Variants in TMEM178B observed in about 807,000 individuals in gnomAD.
The protein encoded by TMEM178B is transmembrane protein 178B.
TMEM178B carries 5 observed loss-of-function variants against 31.0 expected under a neutral mutation model. The ratio of observed to expected loss-of-function variants is 0.16; its 90% confidence interval spans 0.08 to 0.34. The LOEUF is 0.34. Ranked by LOEUF, TMEM178B falls within the 10% of genes least tolerant of loss-of-function variation. TMEM178B has a pLI of 1.00. For synonymous variants in TMEM178B, 164 were observed against 164.0 expected (o/e 1.00, Z 0.00); for missense variants, 275 against 400.3 (o/e 0.69, Z 2.67).
chr7:141,204,764 T>A (rs764170719), intron 1 of TMEM178B, among the ~76,000 whole-genome samples: 1 of 152,182 alleles, frequency 6.6e-6, no homozygotes, highest in Non-Finnish European at 1.5e-5. Flanking sequence ...CTCATCCAAA[T>A]ATAACTCAGG....
At chr7:141,365,676 T>G (rs555605281) in intron 2 of TMEM178B, among the ~76,000 whole-genome samples, 25 of 152,362 alleles carry the variant, frequency 1.6e-4, no homozygotes, top group African/African-American at 5.5e-4. Context: ...GGCTGTCTGC[T>G]CACTGTGTGC....
At chr7:141,212,336 T>C (rs781209112) in intron 1 of TMEM178B, among the ~76,000 whole-genome samples, 3 of 152,242 alleles carry the variant, frequency 2.0e-5, no homozygotes, top group Admixed American at 2.0e-4. Context: ...TTAGACAAGC[T>C]GCTATCAGCC....
intron 2 of TMEM178B, among the ~76,000 whole-genome samples, chr7:141,297,437 A>G (rs962601092): frequency 4.6e-5 from 7 of 152,054 alleles, no homozygotes; most frequent in Non-Finnish European, 1.0e-4. Context: ...TACATGTGCA[A>G]TGTTGGTGTG....
intron 1 of TMEM178B, among the ~76,000 whole-genome samples, chr7:141,120,669 T>C (rs1795393477): frequency 1.3e-5 from 2 of 152,124 alleles, no homozygotes; most frequent in Non-Finnish European, 2.9e-5. Context: ...AAAAATAATA[T>C]ACTTTGCTGG....
At chr7:141,090,816 G>T (rs1794868942) in intron 1 of TMEM178B, among the ~76,000 whole-genome samples, 1 of 152,150 alleles carries the variant, frequency 6.6e-6, no homozygotes, top group Non-Finnish European at 1.5e-5. Flanking sequence ...TTAACAATAT[G>T]TGAGAGAGTT....
downstream of TMEM178B, among the ~76,000 whole-genome samples, chr7:141,483,394 G>A (rs1802509590): frequency 6.6e-6 from 1 of 152,148 alleles, no homozygotes; most frequent in Non-Finnish European, 1.5e-5. Context: ...ATGTCTAGCG[G>A]TCTCCTTTCT....
intron 2 of TMEM178B, among the ~76,000 whole-genome samples, chr7:141,216,935 T>C (rs779310135): frequency 7.9e-5 from 12 of 152,026 alleles, no homozygotes; most frequent in Non-Finnish European, 1.5e-4. Flanking sequence ...TCTGGCTGCC[T>C]CCAGGACACA....
chr7:141,413,677 C>A (rs959879214), intron 2 of TMEM178B, among the ~76,000 whole-genome samples: 1 of 152,170 alleles, frequency 6.6e-6, no homozygotes, highest in Admixed American at 6.5e-5. Flanking sequence ...CCAAATGCCT[C>A]CATGGAAGGA....
intron 2 of TMEM178B, among the ~76,000 whole-genome samples, chr7:141,219,755 T>G (rs993540874): frequency 4.6e-5 from 7 of 152,138 alleles, no homozygotes; most frequent in Non-Finnish European, 8.8e-5. Context: ...TAATGTGATA[T>G]TGCACCAAGA....
At chr7:141,202,504 A>G (rs1796894186) in intron 1 of TMEM178B, among the ~76,000 whole-genome samples, 1 of 152,250 alleles carries the variant, frequency 6.6e-6, no homozygotes, top group Non-Finnish European at 1.5e-5. Context: ...AGTCTACGCA[A>G]TGCATACAAA....
chr7:141,312,453 A>G lies in TMEM178B; in HGVS notation c.496+99749A>G, dbSNP rs1055927287. ...GTGGCTAACAAAGAGAAAGCACTAGAGTAGGTCCCAAGGAAAGGTAAAATG... is the reference window on the plus strand; with the variant it reads ...GTGGCTAACAAAGAGAAAGCACTAGGGTAGGTCCCAAGGAAAGGTAAAATG... On this transcript the variant is annotated intron_variant, in intron 2 of 3. Coordinates refer to ENST00000565468, the MANE Select transcript of TMEM178B (RefSeq NM_001195278.2). Among the ~76,000 whole-genome samples the G allele has an allele frequency of 2.0e-5, 3 of 152,220 alleles. No homozygotes were observed. The East Asian group carries it at 5.8e-4, about 29-fold the overall frequency.
At position 141,165,718 on chromosome 7, in the gene TMEM178B, G is replaced by A. The variant is rs543843024; in HGVS notation, c.383-46873G>A. ...CAGCTGGAATTTAGTGTAGTGTAAT[G>A]AGTGGTGAAGAGCTTTGACTGGGGT... On this transcript the variant is annotated intron_variant, in intron 1 of 3. Transcript: ENST00000565468. Among the ~76,000 whole-genome samples, 15 of 152,336 alleles carry A rather than the reference G, an allele frequency of 9.8e-5. No homozygotes were observed. In the East Asian group the frequency reaches 2.7e-3, roughly 27 times the overall value.
At chr7:141,253,312 G>A (rs1797865466) in intron 2 of TMEM178B, among the ~76,000 whole-genome samples, 1 of 152,120 alleles carries the variant, frequency 6.6e-6, no homozygotes, top group South Asian at 2.1e-4. Flanking sequence ...CTCTGAGCAT[G>A]CCCACTGTGT....
chr7:141,204,325 G>T (rs190318853), intron 1 of TMEM178B, among the ~76,000 whole-genome samples: 2 of 152,332 alleles, frequency 1.3e-5, no homozygotes. Context: ...AAAGGACGGG[G>T]CTGTTGCTCT....
At chr7:141,091,076 A>G (rs991663592) in intron 1 of TMEM178B, among the ~76,000 whole-genome samples, 1 of 152,190 alleles carries the variant, frequency 6.6e-6, no homozygotes, top group Non-Finnish European at 1.5e-5. Flanking sequence ...TATCAAGGAA[A>G]TATTTCCTAT....
At chr7:141,378,985 A>G (rs1800266543) in intron 2 of TMEM178B, among the ~76,000 whole-genome samples, 1 of 152,146 alleles carries the variant, frequency 6.6e-6, no homozygotes, top group Non-Finnish European at 1.5e-5. Flanking sequence ...GGTGCACAAC[A>G]GGGGCACCAA....
At chr7:141,262,249 T>C (rs1233746049) in intron 2 of TMEM178B, among the ~76,000 whole-genome samples, 1 of 152,128 alleles carries the variant, frequency 6.6e-6, no homozygotes, top group African/African-American at 2.4e-5. Context: ...TTTCAGGCTC[T>C]GATTTTGAGT....
At chr7:141,292,397 A>G (rs1798560594) in intron 2 of TMEM178B, among the ~76,000 whole-genome samples, 1 of 152,144 alleles carries the variant, frequency 6.6e-6, no homozygotes, top group Non-Finnish European at 1.5e-5. Flanking sequence ...TTGTCTAACA[A>G]ACCAGACGTA....
At chr7:141,088,409 T>C (rs1794823121) in intron 1 of TMEM178B, among the ~76,000 whole-genome samples, 1 of 152,128 alleles carries the variant, frequency 6.6e-6, no homozygotes, top group Non-Finnish European at 1.5e-5. Flanking sequence ...GTAGCTCTAT[T>C]CTTATTCCTT....
Sources: gnomAD v4.1 joint callset for allele counts (sites outside exome capture counted in the v4.1 genomes callset) on GRCh38, gnomAD v4.1.1 for gene constraint, MANE v1.5 for transcripts, NCBI Gene and HGNC (gene_info 2026-07-23, HGNC 2026-07-21) for gene names.